Variants in FBXL2 observed in about 807,000 individuals in gnomAD.
The protein encoded by FBXL2 is F-box/LRR-repeat protein 2.
A neutral mutation model predicts 69.2 loss-of-function variants in FBXL2; 38 were observed. The observed-to-expected ratio is 0.55, with a 90% CI of 0.42 to 0.72. The LOEUF (loss-of-function observed/expected upper bound fraction) is 0.72. FBXL2 is among the 30% of genes least tolerant of loss of function. FBXL2 has a pLI of 0.00. For synonymous variants in FBXL2, 192 were observed against 201.3 expected, an observed-to-expected ratio of 0.95 and a Z score of 0.39; for missense variants, 354 against 520.3, an observed-to-expected ratio of 0.68 and a Z score of 3.11.
Position 33,322,891 on chromosome 3 carries a change from A to T in FBXL2, c.65+25166A>T, listed in dbSNP as rs114700566. Among the ~76,000 whole-genome samples, 1,078 of 152,202 alleles carry T rather than the reference A, an allele frequency of 7.1e-3. 9 individuals carry two copies. Among genetic ancestry groups the T allele is most frequent in the Non-Finnish European group, 0.012 (809 of 68,002 alleles). On this transcript the variant is annotated intron_variant, in intron 2 of 14. Transcript: ENST00000484457. ...TCTACTATGTTTTATTCTTTCCTTG[A>T]TGTCTTCTGATTACTGTTTTTTGTT...
At chr3:33,281,436 G>A (rs1312180037) in intron 1 of FBXL2, among the ~76,000 whole-genome samples, 1 of 152,100 alleles carries the variant, frequency 6.6e-6, no homozygotes, top group East Asian at 1.9e-4. Flanking sequence ...TCTTAATCCA[G>A]TCTATCATTG....
chr3:33,338,798 A>G (rs542253391), intron 2 of FBXL2, among the ~76,000 whole-genome samples: 154 of 152,328 alleles, frequency 1.0e-3, no homozygotes, highest in African/African-American at 3.5e-3. Context: ...AAAGACTTAA[A>G]TGTAAAACCT....
intron 1 of FBXL2, among the ~76,000 whole-genome samples, chr3:33,295,423 C>G (rs1476726465): frequency 1.3e-5 from 2 of 152,140 alleles, no homozygotes; most frequent in East Asian, 3.9e-4. Context: ...TACTTAATTC[C>G]TTTTTATTGC....
At chr3:33,383,900 G>A (rs537234898) in intron 13 of FBXL2, 89 bp from the exon 14 acceptor site, 21 of 1,260,096 alleles carry the variant, frequency 1.7e-5, no homozygotes, top group African/African-American at 4.4e-5. Context: ...ATTGCAGAAG[G>A]GCAAAAAGGC....
chr3:33,334,589 G>A (rs1349183258), intron 2 of FBXL2, among the ~76,000 whole-genome samples: 3 of 152,052 alleles, frequency 2.0e-5, no homozygotes, highest in East Asian at 1.9e-4. Context: ...AATTGGAGGT[G>A]CAAAAAAGAG....
intron 5 of FBXL2, among the ~76,000 whole-genome samples, chr3:33,365,721 C>CCAAA (rs368354903): frequency 0.015 from 2,108 of 138,100 alleles, 13 homozygotes; most frequent in East Asian, 0.021. Flanking sequence ...GACTCTTCGA[C>CCAAA]CAAACAAACA....
At chr3:33,343,149 TTA>T (rs1167564311) in intron 2 of FBXL2, among the ~76,000 whole-genome samples, 2 of 151,736 alleles carry the variant, frequency 1.3e-5, no homozygotes, top group East Asian at 3.8e-4. Context: ...TTCAAAGCAA[TTA>T]TATATATATG....
intron 1 of FBXL2, among the ~76,000 whole-genome samples, chr3:33,296,653 G>A (rs1379714595): frequency 6.6e-6 from 1 of 151,996 alleles, no homozygotes; most frequent in African/African-American, 2.4e-5. Flanking sequence ...ATTTAAATCA[G>A]TGCTCATAAA....
chr3:33,381,122 A>C (rs558281681), intron 13 of FBXL2, among the ~76,000 whole-genome samples: 2 of 152,294 alleles, frequency 1.3e-5, no homozygotes, highest in East Asian at 3.9e-4. Flanking sequence ...GATTTTCCTT[A>C]AATCAGTTTT....
At chr3:33,351,170 G>A (rs1310769070) in intron 2 of FBXL2, among the ~76,000 whole-genome samples, 1 of 152,060 alleles carries the variant, frequency 6.6e-6, no homozygotes, top group African/African-American at 2.4e-5. Context: ...GGAGGCTGAG[G>A]CAGGAGAATC....
At chr3:33,348,779 TTTTAA>T in intron 2 of FBXL2, among the ~76,000 whole-genome samples, 1 of 152,154 alleles carries the variant, frequency 6.6e-6, no homozygotes, top group Non-Finnish European at 1.5e-5. Context: ...TGTGTGTTCT[TTTTAA>T]TTTATTTCAT....
chr3:33,354,320 C>T (rs2041041060), intron 2 of FBXL2, among the ~76,000 whole-genome samples: 2 of 151,952 alleles, frequency 1.3e-5, no homozygotes, highest in Non-Finnish European at 1.5e-5. Flanking sequence ...TCGAGACCAG[C>T]CTGACCAATA....
At chr3:33,332,565 A>C (rs2039251305) in intron 2 of FBXL2, among the ~76,000 whole-genome samples, 1 of 152,262 alleles carries the variant, frequency 6.6e-6, no homozygotes, top group African/African-American at 2.4e-5. Flanking sequence ...ATTGTGGTAT[A>C]GTCATGCGTC....
chr3:33,279,282 T>G (rs2033691496), intron 1 of FBXL2, among the ~76,000 whole-genome samples: 1 of 152,026 alleles, frequency 6.6e-6, no homozygotes, highest in African/African-American at 2.4e-5. Flanking sequence ...TCTTTTTTTT[T>G]TTTTTTGAGA....
At chr3:33,420,842 C>G in the FBXL2 span, among the ~76,000 whole-genome samples, 5 of 152,190 alleles carry the variant, frequency 3.3e-5, no homozygotes, top group Non-Finnish European at 7.4e-5. Flanking sequence ...AGGCTGTTAT[C>G]GAACTCCCAA....
intron 13 of FBXL2, among the ~76,000 whole-genome samples, chr3:33,379,622 C>CTT (rs934164341): frequency 7.0e-6 from 1 of 143,132 alleles, no homozygotes; most frequent in Non-Finnish European, 1.5e-5. Flanking sequence ...CCCAAAACAA[C>CTT]TTTTTTTTTT....
chr3:33,416,707 C>G, the FBXL2 span: 2 of 1,347,628 alleles, frequency 1.5e-6, no homozygotes, highest in South Asian at 2.8e-5. Flanking sequence ...TAAACAAAAA[C>G]TCATTCAATC....
At chr3:33,410,802 T>G in the FBXL2 span, among the ~76,000 whole-genome samples, 1 of 152,180 alleles carries the variant, frequency 6.6e-6, no homozygotes, top group Non-Finnish European at 1.5e-5. Context: ...CTGGGCACAG[T>G]GGCTCACACC....
chr3:33,357,698 T>G (rs1011506306), intron 2 of FBXL2, among the ~76,000 whole-genome samples: 1 of 151,930 alleles, frequency 6.6e-6, no homozygotes, highest in Non-Finnish European at 1.5e-5. Context: ...CCCGGCTAAT[T>G]TTTTGTATTT....
Sources: gnomAD v4.1 joint callset for allele counts (sites outside exome capture counted in the v4.1 genomes callset) on GRCh38, gnomAD v4.1.1 for gene constraint, MANE v1.5 for transcripts, NCBI Gene and HGNC (gene_info 2026-07-23, HGNC 2026-07-21) for gene names.